The following COX10 variants were observed in gnomAD, a reference collection of about 807,000 sequenced individuals.
COX10 encodes cytochrome c oxidase assembly factor heme A:farnesyltransferase COX10, also known as protoheme IX farnesyltransferase, mitochondrial.
COX10 carries 27 observed loss-of-function variants against 37.3 expected under a neutral mutation model. That is an observed-to-expected ratio of 0.72 (90% confidence interval 0.53 to 1.00). The LOEUF is 1.00. Among genes scored for constraint, COX10 ranks in the 50% least tolerant of loss-of-function variants. COX10 has a pLI of 0.00. For missense variants in COX10, 475 were observed against 563.2 expected (o/e 0.84, Z 1.59); for synonymous variants, 222 against 229.1 (o/e 0.97, Z 0.28).
chr17:14,137,953 T>TG (rs1491181737), intron 4 of COX10, among the ~76,000 whole-genome samples: 13 of 59,464 alleles, frequency 2.2e-4, no homozygotes, highest in South Asian at 1.5e-3. Flanking sequence ...CAATTCAGTT[T>TG]TTTTTTTTTT....
At chr17:14,073,070 G>A (rs1915062615) in intron 1 of COX10, among the ~76,000 whole-genome samples, 1 of 152,210 alleles carries the variant, frequency 6.6e-6, no homozygotes, top group Non-Finnish European at 1.5e-5. Flanking sequence ...GTTTTCAGTG[G>A]AGGGTCATGG....
intron 5 of COX10, among the ~76,000 whole-genome samples, chr17:14,163,271 T>TTATTTATTTATG (rs1905208061): frequency 6.9e-6 from 1 of 145,822 alleles, no homozygotes; most frequent in East Asian, 2.0e-4. Flanking sequence ...ATTTATTTAT[T>TTATTTATTTATG]TAGAGACAGA....
chr17:14,120,558 T>G (rs558681300), intron 4 of COX10, among the ~76,000 whole-genome samples: 3 of 152,102 alleles, frequency 2.0e-5, no homozygotes, highest in Admixed American at 6.6e-5. Context: ...GATATAGTGA[T>G]GAAGAGACCA....
chr17:14,077,487 G>A (rs1915183723), intron 3 of COX10, among the ~76,000 whole-genome samples: 1 of 152,188 alleles, frequency 6.6e-6, no homozygotes, highest in Non-Finnish European at 1.5e-5. Flanking sequence ...TTCTTGTAGA[G>A]CCTCTGGGGT....
chr17:14,083,726 A>G (rs186797173), intron 3 of COX10, among the ~76,000 whole-genome samples: 170 of 152,348 alleles, frequency 1.1e-3, no homozygotes, highest in South Asian at 9.1e-3. Context: ...AGATTATAAA[A>G]AAGGAATAAT....
At chr17:14,147,467 G>A (rs2142230428) in intron 4 of COX10, among the ~76,000 whole-genome samples, 1 of 152,136 alleles carries the variant, frequency 6.6e-6, no homozygotes, top group East Asian at 1.9e-4. Flanking sequence ...AGCCCATGGA[G>A]ATAGAGAGTA....
At position 14,099,754 on chromosome 17, in the gene COX10, G is replaced by C. The variant is rs985522372; in HGVS notation, c.500-2364G>C. On this transcript the variant is annotated intron_variant, in intron 3 of 6. Transcript: ENST00000261643. The stretch of plus-strand genomic sequence containing the variant: ...GGCATGGCCTCTAGGCAACTCCAGA[G>C]CTTCATGCCTCTCCAGTCTCTCAAG... Among the ~76,000 whole-genome samples the C allele has an allele frequency of 2.6e-5, 4 of 151,882 alleles. No individual in the cohort carries two copies. The South Asian group carries it at 8.3e-4, about 31-fold the overall frequency.
At position 14,069,659 on chromosome 17, in the gene COX10, C is replaced by G; in HGVS notation, c.43+11C>G. ...CACGCCTCCTGACAGGTACTGTACC[C>G]GCCTTGGGCACGACCTTGGGGGAAA... On this transcript the variant is annotated intron_variant, in intron 1 of 6. Coordinates refer to ENST00000261643, the MANE Select transcript of COX10 (RefSeq NM_001303.4). The G allele has an allele frequency of 3.1e-6, 5 of 1,614,094 alleles. No individual in the cohort carries two copies. Among genetic ancestry groups the G allele is most frequent in the Non-Finnish European group, 4.2e-6 (5 of 1,180,002 alleles).
intron 4 of COX10, among the ~76,000 whole-genome samples, chr17:14,138,979 G>A (rs1443640430): frequency 6.6e-6 from 1 of 152,084 alleles, no homozygotes; most frequent in African/African-American, 2.4e-5. Context: ...GTACGACCTC[G>A]ATCATTTACT....
chr17:14,201,973 C>T (rs893153299), intron 6 of COX10, among the ~76,000 whole-genome samples: 12 of 152,176 alleles, frequency 7.9e-5, no homozygotes, highest in African/African-American at 2.4e-4. Context: ...CTGTTTACTC[C>T]GTCAGTTGCA....
At chr17:14,074,789 A>G (rs1309345323) in intron 2 of COX10, among the ~76,000 whole-genome samples, 1 of 152,228 alleles carries the variant, frequency 6.6e-6, no homozygotes. Flanking sequence ...TTCTGTGACT[A>G]TATCAGTAAT....
At position 14,159,264 on chromosome 17, in the gene COX10, G is replaced by C. The variant is rs1905120890; in HGVS notation, c.625-613G>C. On this transcript the variant is annotated intron_variant, in intron 4 of 6. Coordinates refer to ENST00000261643, the MANE Select transcript of COX10 (RefSeq NM_001303.4). ...CTGAGATCTTAATTACGTCAGCCCTGGTTCTTTACATCAGTAGCCCATTCC... is the reference window on the plus strand; with the variant it reads ...CTGAGATCTTAATTACGTCAGCCCTCGTTCTTTACATCAGTAGCCCATTCC... Among the ~76,000 whole-genome samples the C allele has an allele frequency of 2.0e-5, 3 of 152,136 alleles. No homozygotes were observed. The South Asian group carries it at 6.2e-4, about 32-fold the overall frequency.
intron 4 of COX10, among the ~76,000 whole-genome samples, chr17:14,116,004 C>G (rs9674996): frequency 6.6e-6 from 1 of 152,064 alleles, no homozygotes; most frequent in African/African-American, 2.4e-5. Flanking sequence ...ATTTCTACCC[C>G]ATACATTTAT....
At chr17:14,082,259 C>T (rs1410774494) in intron 3 of COX10, among the ~76,000 whole-genome samples, 1 of 152,054 alleles carries the variant, frequency 6.6e-6, no homozygotes, top group Non-Finnish European at 1.5e-5. Context: ...TCACAGAAGC[C>T]AAAAGAATAG....
intron 6 of COX10, among the ~76,000 whole-genome samples, chr17:14,206,014 T>C (rs959383622): frequency 3.9e-5 from 6 of 152,214 alleles, no homozygotes; most frequent in African/African-American, 1.4e-4. Context: ...GGGACCGTTT[T>C]GTCCTTGTGA....
chr17:14,104,585 A>G (rs575743755), intron 4 of COX10, among the ~76,000 whole-genome samples: 127 of 152,214 alleles, frequency 8.3e-4, no homozygotes, highest in Middle Eastern at 3.4e-3. Flanking sequence ...ATAAAATTCT[A>G]TGGGAGGAAA....
chr17:14,197,832 G>A (rs1008494261), intron 6 of COX10, among the ~76,000 whole-genome samples: 4 of 152,120 alleles, frequency 2.6e-5, no homozygotes, highest in African/African-American at 4.8e-5. Context: ...AGGACTCTGC[G>A]GCCCAGCTGC....
chr17:14,150,422 C>T (rs1223546703), intron 4 of COX10, among the ~76,000 whole-genome samples: 4 of 152,184 alleles, frequency 2.6e-5, no homozygotes, highest in South Asian at 2.1e-4. Flanking sequence ...TATTCCTTTC[C>T]GTGCAATATT....
At chr17:14,150,650 G>A (rs1904867185) in intron 4 of COX10, among the ~76,000 whole-genome samples, 1 of 152,188 alleles carries the variant, frequency 6.6e-6, no homozygotes, top group Non-Finnish European at 1.5e-5. Flanking sequence ...GCTTTGGTTT[G>A]TATAGTTCCA....
Sources: gnomAD v4.1 joint callset for allele counts (sites outside exome capture counted in the v4.1 genomes callset) on GRCh38, gnomAD v4.1.1 for gene constraint, MANE v1.5 for transcripts, NCBI Gene and HGNC (gene_info 2026-07-23, HGNC 2026-07-21) for gene names.